RICTOR: variants seen among roughly 807,000 people sequenced by gnomAD.
RICTOR encodes rapamycin-insensitive companion of mTOR.
In RICTOR, 49 loss-of-function variants were observed where a neutral mutation model predicts 214.9. The observed-to-expected ratio is 0.23, with a 90% CI of 0.18 to 0.29. RICTOR has a LOEUF of 0.29. Among genes scored for constraint, RICTOR ranks in the 10% least tolerant of loss-of-function variants. The probability of loss-of-function intolerance (pLI) is 1.00; values close to 1 mark genes in which losing one functional copy is unlikely to be tolerated. For synonymous variants in RICTOR, 717 were observed against 711.3 expected, an observed-to-expected ratio of 1.01 and a Z score of -0.13; for missense variants, 1,625 against 2,047.0, an observed-to-expected ratio of 0.79 and a Z score of 3.98.
At position 38,971,968 on chromosome 5, in the gene RICTOR, G is replaced by T; in HGVS notation, c.890-9C>A. On this transcript the variant is annotated splice_polypyrimidine_tract_variant and intron_variant, in intron 10 of 37. Coordinates refer to ENST00000357387, the MANE Select transcript of RICTOR (RefSeq NM_152756.5). Reference sequence around the variant, plus strand: ...ACATAAATTAATAATACCTAAAGAGGACAGAAAGAAAAAAAAATCACTGAC... The same window carrying T: ...ACATAAATTAATAATACCTAAAGAGTACAGAAAGAAAAAAAAATCACTGAC... 8.3e-7 allele frequency: 1 copy of T among 1,208,284 alleles called. No individual in the cohort carries two copies. Among genetic ancestry groups the T allele is most frequent in the Non-Finnish European group, 1.2e-6 (1 of 837,794 alleles). The allele number at this position is 1,208,284 out of a possible 1,614,324, so 74.8% of individuals were successfully genotyped here.
At chr5:38,975,320 G>A (rs993642440) in intron 10 of RICTOR, among the ~76,000 whole-genome samples, 3 of 152,038 alleles carry the variant, frequency 2.0e-5, no homozygotes, top group African/African-American at 7.2e-5. Context: ...ATAAATATGT[G>A]TATACTGATC....
At chr5:38,997,271 T>C (rs1441203258) in intron 5 of RICTOR, among the ~76,000 whole-genome samples, 1 of 152,188 alleles carries the variant, frequency 6.6e-6, no homozygotes, top group Non-Finnish European at 1.5e-5. Flanking sequence ...TTCATTTAAT[T>C]GCAATTTTGA....
At chr5:39,025,502 T>A (rs1408703184) in intron 2 of RICTOR, among the ~76,000 whole-genome samples, 1 of 152,226 alleles carries the variant, frequency 6.6e-6, no homozygotes, top group Non-Finnish European at 1.5e-5. Flanking sequence ...GGACTTTTCA[T>A]GTGTATTAAG....
chr5:39,073,473 G>A (rs1213009285), intron 2 of RICTOR, among the ~76,000 whole-genome samples: 1 of 152,184 alleles, frequency 6.6e-6, no homozygotes, highest in African/African-American at 2.4e-5. Flanking sequence ...AGCAGGGTGA[G>A]GGGGCGGTCT....
At chr5:39,049,635 A>C (rs1405393369) in intron 2 of RICTOR, among the ~76,000 whole-genome samples, 1 of 144,610 alleles carries the variant, frequency 6.9e-6, no homozygotes, top group East Asian at 2.0e-4. Flanking sequence ...GAGAACATTC[A>C]AAAAAAAAAA....
intron 3 of RICTOR, among the ~76,000 whole-genome samples, chr5:39,016,121 T>G (rs1233748685): frequency 6.6e-6 from 1 of 152,138 alleles, no homozygotes; most frequent in Non-Finnish European, 1.5e-5. Flanking sequence ...TATCAGGATT[T>G]TAAAATCATG....
chr5:38,945,898 G>A (rs1748134446), intron 33 of RICTOR, among the ~76,000 whole-genome samples, 174 bp from the exon 34 acceptor site: 1 of 152,174 alleles, frequency 6.6e-6, no homozygotes, highest in Middle Eastern at 3.4e-3. Flanking sequence ...GCCAGCAGAT[G>A]TTTATTATTT....
At chr5:38,987,650 A>G (rs553908388) in intron 7 of RICTOR, among the ~76,000 whole-genome samples, 86 of 151,934 alleles carry the variant, frequency 5.7e-4, no homozygotes, top group Non-Finnish European at 1.1e-3. Context: ...AATCTTTTCA[A>G]AAAACCAGCT....
chr5:39,060,027 T>A (rs1347227368), intron 2 of RICTOR, among the ~76,000 whole-genome samples: 1 of 152,126 alleles, frequency 6.6e-6, no homozygotes, highest in African/African-American at 2.4e-5. Flanking sequence ...AATACTAGAC[T>A]GTCTTCATAT....
rs1747960586 is a variant in RICTOR at position 38,944,572 on chromosome 5, G to A, written c.4790-3C>T. 6.3e-7 allele frequency: 1 copy of A among 1,583,250 alleles called. No homozygotes were observed. Among genetic ancestry groups the A allele is most frequent in the Non-Finnish European group, 8.6e-7 (1 of 1,169,204 alleles). On this transcript the variant is annotated splice_region_variant and splice_polypyrimidine_tract_variant and intron_variant, in intron 35 of 37. Transcript: ENST00000357387. Reference sequence around the variant, plus strand: ...ATCATCTGGAATTGTTTTAACACCTGAAAAGATTTCAGGGAGAAGTTAAAT... The same window carrying A: ...ATCATCTGGAATTGTTTTAACACCTAAAAAGATTTCAGGGAGAAGTTAAAT...
intron 2 of RICTOR, among the ~76,000 whole-genome samples, chr5:39,021,926 A>G (rs1448353010): frequency 6.6e-6 from 1 of 152,208 alleles, no homozygotes; most frequent in African/African-American, 2.4e-5. Context: ...AAAATTAGAT[A>G]AAATATATAG....
intron 2 of RICTOR, among the ~76,000 whole-genome samples, chr5:39,056,707 A>C (rs1023575774): frequency 1.4e-4 from 22 of 152,190 alleles, no homozygotes; most frequent in Admixed American, 3.9e-4. Flanking sequence ...CTTCAGACAC[A>C]GTGATCAGAG....
chr5:39,057,286 T>A (rs1013536427), intron 2 of RICTOR, among the ~76,000 whole-genome samples: 4 of 152,150 alleles, frequency 2.6e-5, no homozygotes, highest in African/African-American at 9.7e-5. Context: ...ACATCAATGG[T>A]TCCATTGATG....
intron 5 of RICTOR, among the ~76,000 whole-genome samples, chr5:38,997,740 C>G (rs1753282882): frequency 6.6e-6 from 1 of 152,160 alleles, no homozygotes; most frequent in Non-Finnish European, 1.5e-5. Flanking sequence ...GGGAGCTCCA[C>G]ATTCAACCAC....
intron 2 of RICTOR, among the ~76,000 whole-genome samples, chr5:39,021,919 A>C (rs1755450339): frequency 6.6e-6 from 1 of 152,216 alleles, no homozygotes; most frequent in Non-Finnish European, 1.5e-5. Context: ...AAACCAAAAA[A>C]TTAGATAAAA....
intron 2 of RICTOR, among the ~76,000 whole-genome samples, chr5:39,067,500 C>G (rs1758989637): frequency 2.0e-5 from 3 of 152,168 alleles, no homozygotes; most frequent in Admixed American, 2.0e-4. Context: ...ACAATTTTCT[C>G]TCTTCTCTTC....
chr5:39,013,554 T>C (rs554040422), intron 3 of RICTOR, among the ~76,000 whole-genome samples: 1 of 152,274 alleles, frequency 6.6e-6, no homozygotes, highest in Admixed American at 6.5e-5. Flanking sequence ...TAAAACTAGG[T>C]AGTTCTAAAT....
At position 38,959,955 on chromosome 5, in the gene RICTOR, A is replaced by G; in HGVS notation, c.1875T>C (p.Asp625=). The change falls in exon 21 of 38, where the codon GAT becomes GAC. Residue 625 remains aspartate, a synonymous_variant. Transcript: ENST00000357387. ...GCCACTGAACAATATCCTTTACTAGATCTTCTAAGTAGCCTTGCCCATCCT... is the reference window on the plus strand; with the variant it reads ...GCCACTGAACAATATCCTTTACTAGGTCTTCTAAGTAGCCTTGCCCATCCT... The part of the protein sequence containing the change: ...SEEDGQGYLE[D]LVKDIVQWLN... 6.2e-7 allele frequency: 1 copy of G among 1,610,830 alleles called. No homozygotes were observed. Among genetic ancestry groups the G allele is most frequent in the Non-Finnish European group, 8.5e-7 (1 of 1,177,298 alleles).
chr5:38,993,847 A>T (rs1021739576), intron 6 of RICTOR, among the ~76,000 whole-genome samples: 34 of 152,158 alleles, frequency 2.2e-4, no homozygotes, highest in Non-Finnish European at 4.4e-5. Context: ...TGATGGTTCA[A>T]TATACATAAA....
Sources: allele counts gnomAD v4.1 joint callset (sites outside exome capture counted in the v4.1 genomes callset), GRCh38; gene constraint gnomAD v4.1.1; transcripts MANE v1.5; gene names NCBI Gene and HGNC (gene_info 2026-07-23, HGNC 2026-07-21).